The following UBR1 variants were observed in gnomAD, a reference collection of about 807,000 sequenced individuals.
The protein encoded by UBR1 is E3 ubiquitin-protein ligase UBR1.
A neutral mutation model predicts 242.1 loss-of-function variants in UBR1; 102 were observed. That is an observed-to-expected ratio of 0.42 (90% CI 0.36 to 0.50). The LOEUF is 0.50. UBR1 is among the 20% of genes least tolerant of loss of function. The pLI is 0.01. For synonymous variants in UBR1, 675 were observed against 684.8 expected, an observed-to-expected ratio of 0.99 and a Z score of 0.22; for missense variants, 1,772 against 2,101.8, an observed-to-expected ratio of 0.84 and a Z score of 3.07.
intron 44 of UBR1, among the ~76,000 whole-genome samples, chr15:42,956,435 TCA>T (rs1307940143): frequency 6.6e-6 from 1 of 152,198 alleles, no homozygotes; most frequent in Non-Finnish European, 1.5e-5. Flanking sequence ...TTCTCACGCC[TCA>T]GCCTCCCAAG....
At chr15:42,958,771 A>C (rs1240157454) in intron 43 of UBR1, among the ~76,000 whole-genome samples, 2 of 152,174 alleles carry the variant, frequency 1.3e-5, no homozygotes, top group Non-Finnish European at 2.9e-5. Flanking sequence ...ATTGGGGAAG[A>C]TCATCTGAAT....
Position 43,105,931 on chromosome 15 carries a change from T to C in UBR1, c.81+11A>G, listed in dbSNP as rs1174825696. On this transcript the variant is annotated intron_variant, in intron 1 of 46. Transcript: ENST00000290650. ...GGGGAGGACAAAAGAGACTTGCCTA[T>C]AGGGACTTACAGATGCCAGACGCTG... The C allele has an allele frequency of 4.3e-6, 7 of 1,613,400 alleles. No individual in the cohort carries two copies. Among genetic ancestry groups the C allele is most frequent in the Non-Finnish European group, 5.1e-6 (6 of 1,179,576 alleles).
At chr15:43,027,710 G>C in intron 22 of UBR1, 66 bp downstream of exon 22, 1 of 1,449,330 alleles carries the variant, frequency 6.9e-7, no homozygotes, top group African/African-American at 1.4e-5. Flanking sequence ...CTTCTACAAA[G>C]TATCCAAAGT....
intron 33 of UBR1, among the ~76,000 whole-genome samples, chr15:42,996,192 A>G (rs1309009575): frequency 6.6e-6 from 1 of 152,186 alleles, no homozygotes; most frequent in Non-Finnish European, 1.5e-5. Context: ...TATGAGTCCT[A>G]TTGTTTTATA....
chr15:43,050,991 T>G (rs1310683346), intron 12 of UBR1, among the ~76,000 whole-genome samples: 1 of 152,156 alleles, frequency 6.6e-6, no homozygotes, highest in Non-Finnish European at 1.5e-5. Context: ...CATAAATTAA[T>G]TCAAGCATTA....
chr15:43,081,910 A>G (rs893255832), intron 3 of UBR1, among the ~76,000 whole-genome samples: 1 of 152,086 alleles, frequency 6.6e-6, no homozygotes, highest in African/African-American at 2.4e-5. Flanking sequence ...TTTTAAAAAA[A>G]CTGAAACCCA....
chr15:43,022,593 G>A, intron 26 of UBR1, 109 bp downstream of exon 26: 3 of 734,550 alleles, frequency 4.1e-6, no homozygotes, highest in Non-Finnish European at 6.7e-6. Context: ...TTTAAGGACT[G>A]ACAGATTAAA....
At position 43,036,542 on chromosome 15, in the gene UBR1, T is replaced by C. The variant is rs559405167; in HGVS notation, c.2074A>G (p.Ile692Val). ...TAAATAGGTACCTGAAGCATGATGA[T>C]ATCTTTATCATACATTTCTTCTCTG... The part of the protein sequence containing the change: ...KCREEMYDKD[I>V]IMLQIGASLM... The change falls in exon 18 of 47, where the codon ATC becomes GTC. Residue 692 changes from isoleucine (I) to valine (V), a missense_variant. This residue lies in a region of UBR1 where 734 missense variants were observed against 893.3 expected (regional missense o/e 0.82). Transcript: ENST00000290650. 2.9e-5 allele frequency: 46 copies of C among 1,595,938 alleles called. No homozygotes were observed. In the South Asian group the frequency reaches 4.7e-4, roughly 16 times the overall value.
chr15:43,097,261 T>C (rs1303763272), intron 1 of UBR1, among the ~76,000 whole-genome samples: 2 of 152,138 alleles, frequency 1.3e-5, no homozygotes, highest in African/African-American at 2.4e-5. Flanking sequence ...TTCTCTACAG[T>C]GGACTTAAAA....
At chr15:43,017,061 T>A in intron 28 of UBR1, 34 bp downstream of exon 28, 1 of 1,534,806 alleles carries the variant, frequency 6.5e-7, no homozygotes, top group Non-Finnish European at 9.0e-7. Context: ...GAGATGAATG[T>A]CACCATTACT....
At position 43,007,114 on chromosome 15, in the gene UBR1, G is replaced by C; in HGVS notation, c.3380C>G (p.Thr1127Ser). 6.2e-7 allele frequency: 1 copy of C among 1,614,080 alleles called. No homozygotes were observed. Among genetic ancestry groups the C allele is most frequent in the Non-Finnish European group, 8.5e-7 (1 of 1,180,022 alleles). ...SACVQKSTAL[T>S]QHRGKPIELS... The stretch of plus-strand genomic sequence containing the variant: ...TTCTATGGGTTTTCCCCTGTGCTGG[G>C]TTAAGGCAGTAGATTTCTGGACACA... Residue 1127 changes from threonine to serine, a missense_variant, in exon 30 of 47, where the codon ACC becomes AGC. By Grantham distance (58) the Thr-to-Ser change is moderately conservative. This residue lies in a region of UBR1 where 965 missense variants were observed against 1,079.7 expected (regional missense o/e 0.89). Coordinates refer to ENST00000290650, the MANE Select transcript of UBR1 (RefSeq NM_174916.3).
intron 43 of UBR1, among the ~76,000 whole-genome samples, chr15:42,959,712 A>T (rs182127713): frequency 6.6e-6 from 1 of 152,354 alleles, no homozygotes; most frequent in East Asian, 1.9e-4. Context: ...CTACTCGAAG[A>T]TCTTTTCTTA....
chr15:42,947,881 T>C (rs373431146), intron 46 of UBR1, among the ~76,000 whole-genome samples: 1 of 151,954 alleles, frequency 6.6e-6, no homozygotes, highest in African/African-American at 2.4e-5. Context: ...ATAGATTCAA[T>C]GCCATCCCCA....
chr15:42,971,038 T>C (rs560434824), intron 39 of UBR1, among the ~76,000 whole-genome samples: 12 of 152,336 alleles, frequency 7.9e-5, no homozygotes, highest in East Asian at 5.8e-4. Flanking sequence ...ATCTAAGTAG[T>C]TGATGCTGAA....
chr15:43,059,510 T>C (rs979753843), intron 8 of UBR1, among the ~76,000 whole-genome samples, 192 bp downstream of exon 8: 6 of 150,826 alleles, frequency 4.0e-5, no homozygotes, highest in Non-Finnish European at 8.8e-5. Flanking sequence ...TATTATTTGA[T>C]ACTATGCACT....
intron 21 of UBR1, among the ~76,000 whole-genome samples, chr15:43,029,051 C>T (rs2033217197): frequency 6.6e-6 from 1 of 152,114 alleles, no homozygotes; most frequent in South Asian, 2.1e-4. Context: ...TGCCACTACA[C>T]TCCAGCCTGG....
rs371649287 is a variant in UBR1, at chr15:42,970,503, A to C, written c.4457+17T>G. On this transcript the variant is annotated intron_variant, in intron 40 of 46. Coordinates refer to ENST00000290650, the MANE Select transcript of UBR1 (RefSeq NM_174916.3). ...TGGAATTATTACAATAGACTGAACTAATGGATTGTTACTCACCCACTTGTA... is the reference window on the plus strand; with the variant it reads ...TGGAATTATTACAATAGACTGAACTCATGGATTGTTACTCACCCACTTGTA... 18 of 1,607,178 alleles carry C rather than the reference A, an allele frequency of 1.1e-5. No individual in the cohort carries two copies. Among genetic ancestry groups the C allele is most frequent in the African/African-American group, 2.7e-5 (2 of 74,824 alleles).
At chr15:42,992,375 G>T (rs1246170790) in intron 33 of UBR1, among the ~76,000 whole-genome samples, 2 of 152,128 alleles carry the variant, frequency 1.3e-5, no homozygotes, top group Non-Finnish European at 2.9e-5. Flanking sequence ...ACATTGGGAG[G>T]TTCTGGTCCT....
At chr15:42,985,982 C>T (rs1476724435) in intron 35 of UBR1, among the ~76,000 whole-genome samples, 27 of 137,946 alleles carry the variant, frequency 2.0e-4, no homozygotes, top group African/African-American at 7.5e-4. Flanking sequence ...AAAGTGAGAC[C>T]CTGTCTCAAA....
Sources: allele counts gnomAD v4.1 joint callset (sites outside exome capture counted in the v4.1 genomes callset), GRCh38; gene constraint gnomAD v4.1.1; regional missense constraint gnomAD v4.1.1; transcripts MANE v1.5; gene names NCBI Gene and HGNC (gene_info 2026-07-23, HGNC 2026-07-21).